The following KCNIP4 variants were observed in gnomAD, a reference collection of about 807,000 sequenced individuals.
KCNIP4 encodes potassium voltage-gated channel interacting protein 4.
In KCNIP4, 12 loss-of-function variants were observed where a neutral mutation model predicts 34.0. That is an observed-to-expected ratio of 0.35 (90% CI 0.23 to 0.57). The LOEUF is 0.57. KCNIP4 is among the 20% of genes least tolerant of loss of function. KCNIP4 has a pLI of 0.83. For synonymous variants in KCNIP4, 124 were observed against 102.2 expected, an observed-to-expected ratio of 1.21 and a Z score of -1.29; for missense variants, 238 against 311.7, an observed-to-expected ratio of 0.76 and a Z score of 1.78.
intron 1 of KCNIP4, among the ~76,000 whole-genome samples, chr4:21,238,636 A>C (rs1759556537): frequency 6.6e-6 from 1 of 152,166 alleles, no homozygotes; most frequent in African/African-American, 2.4e-5. Flanking sequence ...CAATTGCTTC[A>C]AAGAGAATAA....
chr4:20,873,306 T>A (rs574783895), intron 2 of KCNIP4, among the ~76,000 whole-genome samples: 1 of 152,316 alleles, frequency 6.6e-6, no homozygotes, highest in African/African-American at 2.4e-5. Flanking sequence ...GTGGAGGTTG[T>A]AATTGTACCT....
chr4:21,535,963 A>T, intron 1 of KCNIP4, among the ~76,000 whole-genome samples: 1 of 151,928 alleles, frequency 6.6e-6, no homozygotes, highest in East Asian at 1.9e-4. Flanking sequence ...GGTATATCTC[A>T]CCTTCTATCT....
chr4:20,917,112 A>C (rs1196769255), intron 1 of KCNIP4, among the ~76,000 whole-genome samples: 1 of 145,866 alleles, frequency 6.9e-6, no homozygotes, highest in Non-Finnish European at 1.5e-5. Flanking sequence ...ATCTCGGCTC[A>C]CTGCAACCTC....
intron 2 of KCNIP4, among the ~76,000 whole-genome samples, chr4:20,859,248 A>G (rs999516221): frequency 4.6e-5 from 7 of 152,138 alleles, no homozygotes; most frequent in Admixed American, 6.6e-5. Context: ...TTTACCCCTG[A>G]GAAATTTAGA....
chr4:20,850,419 G>T, intron 3 of KCNIP4, 124 bp downstream of exon 3: 2 of 990,090 alleles, frequency 2.0e-6, no homozygotes, highest in Non-Finnish European at 3.0e-6. Flanking sequence ...ATCTGGGAAG[G>T]ATCAGTATGA....
chr4:21,538,760 A>G (rs1737436504), intron 1 of KCNIP4, among the ~76,000 whole-genome samples: 1 of 152,194 alleles, frequency 6.6e-6, no homozygotes, highest in African/African-American at 2.4e-5. Flanking sequence ...AATCTCACTC[A>G]AGGCTCTGTA....
intron 1 of KCNIP4, among the ~76,000 whole-genome samples, chr4:21,549,215 T>C (rs1450058301): frequency 6.6e-6 from 1 of 151,970 alleles, no homozygotes; most frequent in Non-Finnish European, 1.5e-5. Context: ...GCCAGACACA[T>C]AGTAGCTCAT....
chr4:21,370,850 TAC>T lies in KCNIP4; in HGVS notation c.62-488143_62-488142del, dbSNP rs376590317. Reference sequence around the variant, plus strand: ...ATATATATATATATATATATATATATACACACACACACACACACACACACACA... The same window carrying T: ...ATATATATATATATATATATATATATACACACACACACACACACACACACA... On this transcript the variant is annotated intron_variant, in intron 1 of 8. Coordinates refer to ENST00000382152, the MANE Select transcript of KCNIP4 (RefSeq NM_025221.6). Among the ~76,000 whole-genome samples, 47 of 14,842 alleles carry T rather than the reference TAC, an allele frequency of 3.2e-3. 6 individuals are homozygous for T. The highest frequency in any genetic ancestry group is 9.3e-3 in the African/African-American group (31 of 3,344). The allele number at this position is 14,842 out of a possible 152,430, so 9.7% of individuals were successfully genotyped here.
rs543013629 is a variant in KCNIP4 at position 21,434,544 on chromosome 4, C to T, written c.61+514027G>A. 4.3e-4 allele frequency among the ~76,000 whole-genome samples: 65 copies of T among 152,184 alleles called. No homozygotes were observed. The South Asian group carries it at 0.013, about 31-fold the overall frequency. The stretch of plus-strand genomic sequence containing the variant: ...ACTCTGTGGCCTGTTAGGAACCGAG[C>T]AGCACAGCAGGAGGTGAGTGGCAGG... On this transcript the variant is annotated intron_variant, in intron 1 of 8. Transcript: ENST00000382152.
intron 1 of KCNIP4, among the ~76,000 whole-genome samples, chr4:21,715,288 T>G (rs1046754200): frequency 1.3e-5 from 2 of 151,684 alleles, no homozygotes; most frequent in Non-Finnish European, 2.9e-5. Context: ...CCCGCCATCA[T>G]GCCCGGCTAA....
At chr4:21,012,179 C>G (rs1739117911) in intron 1 of KCNIP4, among the ~76,000 whole-genome samples, 1 of 152,158 alleles carries the variant, frequency 6.6e-6, no homozygotes, top group African/African-American at 2.4e-5. Flanking sequence ...TTGTGCCCAG[C>G]ACACACAGCA....
intron 1 of KCNIP4, among the ~76,000 whole-genome samples, chr4:21,546,236 C>T (rs531416169): frequency 6.6e-6 from 1 of 152,050 alleles, no homozygotes; most frequent in East Asian, 1.9e-4. Context: ...AGGTTCTACC[C>T]ACAATTATTT....
At chr4:21,327,668 G>A (rs965945371) in intron 1 of KCNIP4, among the ~76,000 whole-genome samples, 2 of 151,874 alleles carry the variant, frequency 1.3e-5, no homozygotes, top group African/African-American at 2.4e-5. Context: ...CCTCTTCAAG[G>A]CCAATAACTC....
At chr4:20,983,752 G>T in intron 1 of KCNIP4, 1 of 1,332,840 alleles carries the variant, frequency 7.5e-7, no homozygotes, top group Non-Finnish European at 1.0e-6. Flanking sequence ...AACTTCTGCA[G>T]CATCTGTATC....
At chr4:21,664,234 C>A (rs760731372) in intron 1 of KCNIP4, among the ~76,000 whole-genome samples, 5 of 152,160 alleles carry the variant, frequency 3.3e-5, no homozygotes, top group Non-Finnish European at 7.3e-5. Context: ...CAGGCGTGAG[C>A]CACCACACCC....
chr4:21,810,669 G>A (rs966368038), intron 1 of KCNIP4, among the ~76,000 whole-genome samples: 186 of 129,570 alleles, frequency 1.4e-3, no homozygotes, highest in Non-Finnish European at 1.3e-3. Context: ...CAGCCTGGGC[G>A]ACAGAGCGAG....
chr4:21,577,968 G>A (rs1040325417), intron 1 of KCNIP4, among the ~76,000 whole-genome samples: 3 of 152,146 alleles, frequency 2.0e-5, no homozygotes, highest in Non-Finnish European at 4.4e-5. Context: ...AAACTCACAA[G>A]TTTAACATTG....
At chr4:21,193,915 C>T (rs1755867946) in intron 1 of KCNIP4, among the ~76,000 whole-genome samples, 1 of 152,148 alleles carries the variant, frequency 6.6e-6, no homozygotes, top group Non-Finnish European at 1.5e-5. Flanking sequence ...CAAAGTATTA[C>T]ATGTTTCTTA....
At chr4:21,262,939 A>G (rs1353970375) in intron 1 of KCNIP4, among the ~76,000 whole-genome samples, 1 of 152,188 alleles carries the variant, frequency 6.6e-6, no homozygotes, top group African/African-American at 2.4e-5. Flanking sequence ...CACTGTTTGG[A>G]CATAGTAGTT....
Sources: gnomAD v4.1 joint callset for allele counts (sites outside exome capture counted in the v4.1 genomes callset) on GRCh38, gnomAD v4.1.1 for gene constraint, MANE v1.5 for transcripts, NCBI Gene and HGNC (gene_info 2026-07-23, HGNC 2026-07-21) for gene names.